Variants in GAP43 observed in about 807,000 individuals in gnomAD.
The protein encoded by GAP43 is neuromodulin.
Under a neutral mutation model 18.6 loss-of-function variants are expected in GAP43, and 6 were observed. The observed-to-expected ratio is 0.32, with a 90% CI of 0.18 to 0.64. GAP43 has a LOEUF of 0.64. GAP43 is among the 30% of genes least tolerant of loss of function. The pLI is 0.78. For missense variants in GAP43, 292 were observed against 295.5 expected, an observed-to-expected ratio of 0.99 and a Z score of 0.09; for synonymous variants, 115 against 111.4, an observed-to-expected ratio of 1.03 and a Z score of -0.20.
intron 2 of GAP43, among the ~76,000 whole-genome samples, chr3:115,680,015 C>T (rs1488931343): frequency 6.6e-6 from 1 of 152,170 alleles, no homozygotes; most frequent in Admixed American, 6.5e-5. Flanking sequence ...CTTAGTGTCT[C>T]CCTGCTTCTC....
chr3:115,690,757 C>CTTTTTT (rs71616327), intron 2 of GAP43, among the ~76,000 whole-genome samples: 6 of 110,962 alleles, frequency 5.4e-5, no homozygotes, highest in African/African-American at 1.0e-4. Context: ...TTCTTTCTTT[C>CTTTTTT]TTTTTTTTTT....
intron 1 of GAP43, among the ~76,000 whole-genome samples, chr3:115,662,347 A>G (rs1186929666): frequency 1.3e-5 from 2 of 152,142 alleles, no homozygotes; most frequent in African/African-American, 2.4e-5. Flanking sequence ...ATATCATGGC[A>G]TAGTCACTCA....
At chr3:115,701,767 C>T (rs774082749) in intron 2 of GAP43, among the ~76,000 whole-genome samples, 1 of 152,098 alleles carries the variant, frequency 6.6e-6, no homozygotes, top group African/African-American at 2.4e-5. Flanking sequence ...TTCCCATAAT[C>T]ATAAGCCTCA....
At chr3:115,714,562 AT>A (rs1403494745) in intron 2 of GAP43, among the ~76,000 whole-genome samples, 1 of 152,206 alleles carries the variant, frequency 6.6e-6, no homozygotes, top group Non-Finnish European at 1.5e-5. Context: ...TCTCATATAA[AT>A]AAGGTTATTT....
intron 1 of GAP43, among the ~76,000 whole-genome samples, chr3:115,675,291 C>T (rs28399389): frequency 0.17 from 25,417 of 152,004 alleles, 2,696 homozygotes; most frequent in South Asian, 0.25. Context: ...GGGATGGTCT[C>T]GAACTCCTAT....
intron 1 of GAP43, among the ~76,000 whole-genome samples, chr3:115,657,715 A>G (rs1002437315): frequency 7.9e-5 from 12 of 152,142 alleles, no homozygotes; most frequent in African/African-American, 2.2e-4. Flanking sequence ...AACATATATT[A>G]ATAATATATG....
intron 2 of GAP43, among the ~76,000 whole-genome samples, chr3:115,694,979 A>G (rs1709166210): frequency 6.6e-6 from 1 of 152,254 alleles, no homozygotes; most frequent in Non-Finnish European, 1.5e-5. Context: ...ATTGTAGTGC[A>G]GAAGTGTTAG....
intron 1 of GAP43, among the ~76,000 whole-genome samples, chr3:115,645,804 T>C (rs1708451894): frequency 6.6e-6 from 1 of 151,838 alleles, no homozygotes; most frequent in Non-Finnish European, 1.5e-5. Context: ...AGAAAAATAT[T>C]TCTTAAGGCT....
At chr3:115,643,655 T>C (rs557416329) in intron 1 of GAP43, among the ~76,000 whole-genome samples, 79 of 152,118 alleles carry the variant, frequency 5.2e-4, no homozygotes, top group South Asian at 1.7e-3. Context: ...TTACATCTTA[T>C]CAAGGAGTTC....
intron 1 of GAP43, among the ~76,000 whole-genome samples, chr3:115,652,303 G>A (rs761636150): frequency 8.2e-5 from 11 of 133,748 alleles, no homozygotes; most frequent in Admixed American, 3.2e-4. Context: ...GGAAAGAATC[G>A]TATTTTCTAC....
chr3:115,682,395 C>T (rs1175455347), intron 2 of GAP43, among the ~76,000 whole-genome samples: 4 of 152,148 alleles, frequency 2.6e-5, no homozygotes, highest in Admixed American at 6.5e-5. Flanking sequence ...AATTGCTACC[C>T]TAAGTTTAGC....
chr3:115,623,764 G>T (rs763280573), intron 1 of GAP43, 45 bp downstream of exon 1: 2 of 1,608,690 alleles, frequency 1.2e-6, no homozygotes, highest in South Asian at 2.2e-5. Flanking sequence ...GAAATAACCC[G>T]AGTACAGTAT....
At chr3:115,663,647 C>G in intron 1 of GAP43, 1 of 1,426,350 alleles carries the variant, frequency 7.0e-7, no homozygotes, top group Non-Finnish European at 9.1e-7. Context: ...CACCTCAGCC[C>G]TTGCTTAAAA....
At chr3:115,711,784 G>A (rs1303746475) in intron 2 of GAP43, among the ~76,000 whole-genome samples, 1 of 133,698 alleles carries the variant, frequency 7.5e-6, no homozygotes, top group Non-Finnish European at 1.7e-5. Flanking sequence ...TGGGAGCAGG[G>A]ATGAGGGAGT....
chr3:115,690,714 T>C (rs1709098407), intron 2 of GAP43, among the ~76,000 whole-genome samples: 1 of 151,724 alleles, frequency 6.6e-6, no homozygotes, highest in South Asian at 2.1e-4. Flanking sequence ...TCTCCCCATA[T>C]GAAGATCCTC....
chr3:115,625,743 C>T (rs1055103564), intron 1 of GAP43, among the ~76,000 whole-genome samples: 1 of 152,118 alleles, frequency 6.6e-6, no homozygotes, highest in African/African-American at 2.4e-5. Context: ...ACCAACAGCC[C>T]CAAGCATTCA....
intron 1 of GAP43, among the ~76,000 whole-genome samples, chr3:115,629,594 T>G (rs1189161563): frequency 3.9e-5 from 6 of 152,188 alleles, no homozygotes; most frequent in Non-Finnish European, 8.8e-5. Flanking sequence ...ACCTTCTTTT[T>G]GCCCATGCTG....
intron 1 of GAP43, among the ~76,000 whole-genome samples, chr3:115,652,749 C>T (rs1340223603): frequency 6.6e-6 from 1 of 152,076 alleles, no homozygotes; most frequent in Non-Finnish European, 1.5e-5. Context: ...TAATATTTTG[C>T]ATATACTTCT....
chr3:115,680,656 G>A (rs59564285), intron 2 of GAP43, among the ~76,000 whole-genome samples: 36,776 of 152,030 alleles, frequency 0.24, 5,163 homozygotes, highest in Non-Finnish European at 0.3. Context: ...GAATGAGGCA[G>A]TGCTTCAGGG....
Sources: gnomAD v4.1 joint callset for allele counts (sites outside exome capture counted in the v4.1 genomes callset) on GRCh38, gnomAD v4.1.1 for gene constraint, MANE v1.5 for transcripts, NCBI Gene and HGNC (gene_info 2026-07-23, HGNC 2026-07-21) for gene names.